LMNTD1: variants seen among roughly 807,000 people sequenced by gnomAD.
The protein encoded by LMNTD1 is lamin tail domain containing 1.
Under a neutral mutation model 50.9 loss-of-function variants are expected in LMNTD1, and 35 were observed. The ratio of observed to expected loss-of-function variants is 0.69; its 90% confidence interval spans 0.53 to 0.91. LMNTD1 has a LOEUF of 0.91. Among genes scored for constraint, LMNTD1 ranks in the 40% least tolerant of loss-of-function variants. The probability of loss-of-function intolerance (pLI) is 0.00; values close to 1 mark genes in which losing one functional copy is unlikely to be tolerated. For synonymous variants in LMNTD1, 153 were observed against 161.9 expected (o/e 0.94, Z 0.42); for missense variants, 470 against 475.5 (o/e 0.99, Z 0.11).
At chr12:25,640,043 T>C (rs1946918714) in intron 1 of LMNTD1, among the ~76,000 whole-genome samples, 1 of 152,076 alleles carries the variant, frequency 6.6e-6, no homozygotes, top group African/African-American at 2.4e-5. Flanking sequence ...AAGACAGACA[T>C]AAAAGACCAC....
chr12:25,578,026 T>C (rs1047272851), intron 1 of LMNTD1, among the ~76,000 whole-genome samples: 2 of 152,164 alleles, frequency 1.3e-5, no homozygotes, highest in African/African-American at 4.8e-5. Context: ...TCTTCCCTTG[T>C]TCACCTGCCT....
At chr12:25,605,485 G>A (rs1057280586) in intron 1 of LMNTD1, among the ~76,000 whole-genome samples, 6 of 151,996 alleles carry the variant, frequency 3.9e-5, no homozygotes, top group African/African-American at 1.4e-4. Flanking sequence ...GGTCTAACAT[G>A]TAAGTCTTTA....
chr12:25,511,948 G>A (rs1940331203), intron 8 of LMNTD1, among the ~76,000 whole-genome samples: 1 of 152,066 alleles, frequency 6.6e-6, no homozygotes, highest in East Asian at 1.9e-4. Context: ...ACTCCTATTC[G>A]ACCTTCAATA....
At chr12:25,496,033 A>AT (rs1491191506) in intron 9 of LMNTD1, among the ~76,000 whole-genome samples, 1 of 152,210 alleles carries the variant, frequency 6.6e-6, no homozygotes, top group African/African-American at 2.4e-5. Context: ...TTTTCCTGAG[A>AT]TAACACCATC....
chr12:25,595,012 T>A (rs1223748571), intron 1 of LMNTD1, among the ~76,000 whole-genome samples: 2 of 152,096 alleles, frequency 1.3e-5, no homozygotes, highest in Admixed American at 1.3e-4. Context: ...ATAAAAGGCC[T>A]TGTCCAACAG....
intron 1 of LMNTD1, among the ~76,000 whole-genome samples, chr12:25,628,288 C>A (rs934755928): frequency 1.3e-5 from 2 of 148,414 alleles, no homozygotes; most frequent in Admixed American, 6.7e-5. Context: ...GAATAGAATT[C>A]ATAAATAATA....
chr12:25,539,394 C>A (rs1942877447), intron 4 of LMNTD1, among the ~76,000 whole-genome samples: 1 of 151,910 alleles, frequency 6.6e-6, no homozygotes, highest in Non-Finnish European at 1.5e-5. Context: ...ACAGTGCAAT[C>A]AAACTAGAAC....
At chr12:25,626,288 CAG>C (rs1257156787) in intron 1 of LMNTD1, among the ~76,000 whole-genome samples, 1 of 152,024 alleles carries the variant, frequency 6.6e-6, no homozygotes, top group Non-Finnish European at 1.5e-5. Flanking sequence ...ATAAAATTAA[CAG>C]ACCTGAATAT....
chr12:25,552,763 T>C (rs930383229), intron 2 of LMNTD1, 108 bp downstream of exon 2: 32 of 682,266 alleles, frequency 4.7e-5, no homozygotes, highest in Non-Finnish European at 6.5e-5. Flanking sequence ...TATATTCTAG[T>C]TCTAACTGGT....
rs74073918 is a variant in LMNTD1, at chr12:25,490,317, A to T, written c.*22+13421T>A. On this transcript the variant is annotated intron_variant, in intron 9 of 9. Transcript: ENST00000458174. ...TCAAAGAGGGTCTATTGACCATAAT[A>T]TTTTTTTTAACATTAAGTGAAGTTT... is the stretch of plus-strand genomic sequence containing the variant. Among the ~76,000 whole-genome samples the T allele has an allele frequency of 3.5e-3, 331 of 93,298 alleles. 1 individual carries two copies. Among genetic ancestry groups the T allele is most frequent in the African/African-American group, 0.012 (311 of 26,632 alleles). 61.2% of individuals were successfully genotyped at this position (93,298 alleles called of 152,430 possible).
intron 6 of LMNTD1, among the ~76,000 whole-genome samples, chr12:25,521,114 C>T (rs531778362): frequency 4.7e-5 from 7 of 150,142 alleles, no homozygotes; most frequent in African/African-American, 1.7e-4. Flanking sequence ...GTATTAGCTC[C>T]TTCTCAGATA....
chr12:25,491,240 G>C (rs1287919355), intron 9 of LMNTD1, among the ~76,000 whole-genome samples: 1 of 152,260 alleles, frequency 6.6e-6, no homozygotes, highest in East Asian at 1.9e-4. Context: ...GATCAAGAGA[G>C]TGGGGCAATG....
chr12:25,627,342 A>G (rs960942560), intron 1 of LMNTD1, among the ~76,000 whole-genome samples: 2 of 152,114 alleles, frequency 1.3e-5, no homozygotes, highest in Non-Finnish European at 2.9e-5. Context: ...GAAAAACTCT[A>G]AGCGCAGACA....
At chr12:25,616,380 C>T (rs1258720089) in intron 1 of LMNTD1, among the ~76,000 whole-genome samples, 5 of 152,100 alleles carry the variant, frequency 3.3e-5, no homozygotes, top group Non-Finnish European at 7.4e-5. Context: ...TTGACACACA[C>T]AACAACCTGG....
At chr12:25,554,587 T>C (rs945272587), upstream of LMNTD1, among the ~76,000 whole-genome samples, 7 of 152,228 alleles carry the variant, frequency 4.6e-5, no homozygotes, top group Non-Finnish European at 1.0e-4. Context: ...ATAGAGAGCA[T>C]TTTGTAAATG....
chr12:25,496,593 T>A (rs190336083), intron 9 of LMNTD1, among the ~76,000 whole-genome samples: 37 of 152,326 alleles, frequency 2.4e-4, no homozygotes, highest in African/African-American at 8.7e-4. Flanking sequence ...AAAATATTTA[T>A]GTTGCAGTAT....
At chr12:25,501,068 C>A (rs1297797457) in intron 9 of LMNTD1, among the ~76,000 whole-genome samples, 1 of 152,184 alleles carries the variant, frequency 6.6e-6, no homozygotes, top group African/African-American at 2.4e-5. Flanking sequence ...CAGCTCACTG[C>A]AGCCTCCACC....
Position 25,510,831 on chromosome 12 carries a change from T to C in LMNTD1, c.1190-7031A>G, listed in dbSNP as rs116458832. Among the ~76,000 whole-genome samples the C allele has an allele frequency of 3.6e-3, 554 of 152,312 alleles. 4 individuals are homozygous for C. The highest frequency in any genetic ancestry group is 0.013 in the African/African-American group (539 of 41,570). ...CACATATTAACTCCTATGTGTCATG[T>C]ACTGAGTTTGGTGCAAGTGACAAAA... On this transcript the variant is annotated intron_variant, in intron 8 of 9. Transcript: ENST00000458174.
In LMNTD1 at chr12:25,497,129, AT is replaced by A. The variant is rs1939105591; in HGVS notation, c.*22+6608del. Among the ~76,000 whole-genome samples, 5 of 152,030 alleles carry A rather than the reference AT, an allele frequency of 3.3e-5. No individual in the cohort carries two copies. The South Asian group carries it at 1.0e-3, about 31-fold the overall frequency. ...CTGTCGATGAACACGTGTTGTTTCTATTTTTGGGCTTTTGTGAATAATAGTC... is the reference window on the plus strand; with the variant it reads ...CTGTCGATGAACACGTGTTGTTTCTATTTTGGGCTTTTGTGAATAATAGTC... On this transcript the variant is annotated intron_variant, in intron 9 of 9. Transcript: ENST00000458174.
Sources: allele counts gnomAD v4.1 joint callset (sites outside exome capture counted in the v4.1 genomes callset), GRCh38; gene constraint gnomAD v4.1.1; transcripts MANE v1.5; gene names NCBI Gene and HGNC (gene_info 2026-07-23, HGNC 2026-07-21).